Variants in MAML1 observed in about 807,000 individuals in gnomAD.
The protein encoded by MAML1 is mastermind-like protein 1.
In MAML1, 14 loss-of-function variants were observed where a neutral mutation model predicts 77.1. The observed-to-expected ratio is 0.18, with a 90% CI of 0.12 to 0.28. The LOEUF (loss-of-function observed/expected upper bound fraction) is 0.28. Ranked by LOEUF, MAML1 falls within the 10% of genes least tolerant of loss-of-function variation. The probability of loss-of-function intolerance (pLI) is 1.00; values close to 1 mark genes in which losing one functional copy is unlikely to be tolerated. For missense variants in MAML1, 1,217 were observed against 1,327.8 expected (o/e 0.92, Z 1.30); for synonymous variants, 516 against 551.9 (o/e 0.93, Z 0.91).
intron 1 of MAML1, among the ~76,000 whole-genome samples, chr5:179,754,937 G>C (rs1562561648): frequency 1.3e-5 from 2 of 152,242 alleles, no homozygotes; most frequent in Admixed American, 6.5e-5. Flanking sequence ...AGGTGCAGCT[G>C]AAGGGAGTTA....
chr5:179,775,983 T>A lies in MAML1; in HGVS notation c.*1106T>A. On this transcript the variant is annotated 3_prime_UTR_variant, in exon 5 of 5. Coordinates refer to ENST00000292599, the MANE Select transcript of MAML1 (RefSeq NM_014757.5). ...CACTTGGTTTGACAACTTCTGCCAC[T>A]CCCATGTCAGATGACTTGCACTTCT... 1.0e-6 allele frequency: 1 copy of A among 985,802 alleles called. No homozygotes were observed. The highest frequency in any genetic ancestry group is 1.2e-6 in the Non-Finnish European group (1 of 829,930). The allele number at this position is 985,802 out of a possible 1,614,324, so 61.1% of individuals were successfully genotyped here.
chr5:179,764,474 A>T (rs752551960), intron 1 of MAML1, among the ~76,000 whole-genome samples: 15 of 152,076 alleles, frequency 9.9e-5, no homozygotes, highest in Non-Finnish European at 1.8e-4. Context: ...CAGTCTGACC[A>T]ACATGGAGAA....
chr5:179,773,150 T>A (rs920339768), intron 4 of MAML1, among the ~76,000 whole-genome samples: 7 of 152,224 alleles, frequency 4.6e-5, no homozygotes, highest in African/African-American at 1.7e-4. Flanking sequence ...CCCAAAGTGC[T>A]GGGATTACAG....
intron 1 of MAML1, among the ~76,000 whole-genome samples, chr5:179,755,441 G>T (rs1490037396): frequency 6.6e-6 from 1 of 152,230 alleles, no homozygotes; most frequent in Admixed American, 6.5e-5. Context: ...AGGAGATGCA[G>T]AGAAAGTGAA....
chr5:179,750,531 G>A (rs1779467321), intron 1 of MAML1, among the ~76,000 whole-genome samples: 1 of 152,116 alleles, frequency 6.6e-6, no homozygotes, highest in South Asian at 2.1e-4. Context: ...CCCGATCTAG[G>A]CTCACTGCAA....
intron 1 of MAML1, among the ~76,000 whole-genome samples, chr5:179,758,056 A>G (rs1269189911): frequency 6.6e-6 from 1 of 152,186 alleles, no homozygotes; most frequent in African/African-American, 2.4e-5. Context: ...GGTGCACAGG[A>G]CCTCTCTGTA....
chr5:179,762,104 T>G (rs1373174745), intron 1 of MAML1, among the ~76,000 whole-genome samples: 2 of 152,218 alleles, frequency 1.3e-5, no homozygotes, highest in African/African-American at 2.4e-5. Flanking sequence ...AGCAGCTGTG[T>G]CTGTCAGCTC....
In MAML1 at chr5:179,768,238, C is replaced by T. The variant is rs555242151; in HGVS notation, c.1732-612C>T. Among the ~76,000 whole-genome samples, 10 of 152,300 alleles carry T rather than the reference C, an allele frequency of 6.6e-5. No homozygotes were observed. The South Asian group carries it at 2.1e-3, about 32-fold the overall frequency. ...TTGAGAGGCCGAGGTGGGTGGAGCACCTGAGGTCGGGAGTTCGAGACCAGC... is the reference window on the plus strand; with the variant it reads ...TTGAGAGGCCGAGGTGGGTGGAGCATCTGAGGTCGGGAGTTCGAGACCAGC... On this transcript the variant is annotated intron_variant, in intron 2 of 4. Coordinates refer to ENST00000292599, the MANE Select transcript of MAML1 (RefSeq NM_014757.5).
intron 1 of MAML1, 78 bp from the exon 2 acceptor site, chr5:179,765,248 C>A: frequency 1.6e-6 from 2 of 1,240,294 alleles, no homozygotes; most frequent in Non-Finnish European, 2.3e-6. Context: ...ATTGCAGGGA[C>A]ATCAGCCCTT....
At chr5:179,764,230 C>T (rs1779771260) in intron 1 of MAML1, among the ~76,000 whole-genome samples, 1 of 152,124 alleles carries the variant, frequency 6.6e-6, no homozygotes, top group Non-Finnish European at 1.5e-5. Flanking sequence ...CTTTATGTTC[C>T]CCACAGCACT....
Position 179,766,041 on chromosome 5 carries a change from C to T in MAML1, c.1031C>T (p.Ser344Phe), listed in dbSNP as rs1410964443. 4 of 1,591,064 alleles carry T rather than the reference C, an allele frequency of 2.5e-6. No individual in the cohort carries two copies. The highest frequency in any genetic ancestry group is 3.4e-6 in the Non-Finnish European group (4 of 1,170,498). ...ACAGATTCCCCCAGCCTAGGGGGCTCCCAAACCTTATTCCACACCTCTGGT... is the reference window on the plus strand; with the variant it reads ...ACAGATTCCCCCAGCCTAGGGGGCTTCCAAACCTTATTCCACACCTCTGGT... ...VSTDSPSLGG[S>F]QTLFHTSGQP... Residue 344 changes from serine to phenylalanine, a missense_variant, in exon 2 of 5, where the codon TCC becomes TTC. Ser to Phe is a radical substitution (Grantham distance 155). Coordinates refer to ENST00000292599, the MANE Select transcript of MAML1 (RefSeq NM_014757.5). This position sits in a 1 kb window ranked among gnomAD's most constrained non-coding sequence, Gnocchi z 4.0.
intron 4 of MAML1, among the ~76,000 whole-genome samples, chr5:179,773,420 C>T (rs981890824): frequency 1.3e-5 from 2 of 152,258 alleles, no homozygotes; most frequent in Non-Finnish European, 1.5e-5. Context: ...CTAGTGGATT[C>T]ATCACTGTCT....
chr5:179,741,683 C>CAAA lies in MAML1; in HGVS notation c.315+8275_315+8277dup, dbSNP rs10617185. 7.8e-5 allele frequency among the ~76,000 whole-genome samples: 7 copies of CAAA among 89,288 alleles called. No individual in the cohort carries two copies. The East Asian group carries it at 1.3e-3, about 17-fold the overall frequency. 58.6% of individuals were successfully genotyped at this position (89,288 alleles called of 152,430 possible). A position where few individuals can be genotyped will look rare whatever the true frequency, so the allele number is the denominator to read the frequency against. ...CCTGGGTGGCAGAGCGAGACTGTCT[C>CAAA]AAAAAAAAAAAAAAAAAAAAAGAAT... On this transcript the variant is annotated intron_variant, in intron 1 of 4. Coordinates refer to ENST00000292599, the MANE Select transcript of MAML1 (RefSeq NM_014757.5).
chr5:179,741,314 G>A (rs2113337303), intron 1 of MAML1, among the ~76,000 whole-genome samples: 1 of 152,274 alleles, frequency 6.6e-6, no homozygotes, highest in African/African-American at 2.4e-5. Flanking sequence ...TCATTGCAAA[G>A]CCGAGTTCAG....
At chr5:179,745,792 G>A (rs1351599009) in intron 1 of MAML1, among the ~76,000 whole-genome samples, 4 of 149,616 alleles carry the variant, frequency 2.7e-5, no homozygotes, top group South Asian at 2.1e-4. Flanking sequence ...CCCAGGAGGC[G>A]GAGCGTGGAG....
chr5:179,750,099 G>A (rs1382982772), intron 1 of MAML1, among the ~76,000 whole-genome samples: 1 of 152,270 alleles, frequency 6.6e-6, no homozygotes, highest in Non-Finnish European at 1.5e-5. Context: ...TGCACTGCCA[G>A]TGTGCACCTG....
chr5:179,775,042 G>T lies in MAML1; in HGVS notation c.*165G>T. 1 of 1,425,068 alleles carries T rather than the reference G, an allele frequency of 7.0e-7. No individual in the cohort carries two copies. Among genetic ancestry groups the T allele is most frequent in the Non-Finnish European group, 9.1e-7 (1 of 1,095,050 alleles). 88.3% of individuals were successfully genotyped at this position (1,425,068 alleles called of 1,614,324 possible). ...GGCCCTGGGCAGGGTCTGTGGCTGC[G>T]CCCCTCAGGCCAGCAGTTGAGGTCC... is the stretch of plus-strand genomic sequence containing the variant. On this transcript the variant is annotated 3_prime_UTR_variant, in exon 5 of 5. Coordinates refer to ENST00000292599, the MANE Select transcript of MAML1 (RefSeq NM_014757.5).
intron 1 of MAML1, among the ~76,000 whole-genome samples, chr5:179,754,747 A>G (rs911122039): frequency 1.3e-5 from 2 of 152,192 alleles, no homozygotes; most frequent in Non-Finnish European, 2.9e-5. Context: ...AGTATGGGGT[A>G]GTGCCTGGGA....
At chr5:179,751,111 C>T (rs1054003647) in intron 1 of MAML1, among the ~76,000 whole-genome samples, 1 of 152,122 alleles carries the variant, frequency 6.6e-6, no homozygotes, top group Admixed American at 6.5e-5. Context: ...GTAGCTGGGA[C>T]TACAGGCGCA....
Sources: gnomAD v4.1 joint callset for allele counts (sites outside exome capture counted in the v4.1 genomes callset) on GRCh38, gnomAD v4.1.1 for gene constraint, Gnocchi (gnomAD v3.1) non-coding constraint, MANE v1.5 for transcripts, NCBI Gene and HGNC (gene_info 2026-07-23, HGNC 2026-07-21) for gene names.